PDE4D: variants seen among roughly 807,000 people sequenced by gnomAD.
The protein encoded by PDE4D is 3',5'-cyclic-AMP phosphodiesterase 4D.
Under a neutral mutation model 87.4 loss-of-function variants are expected in PDE4D, and 24 were observed. That is an observed-to-expected ratio of 0.27 (90% CI 0.20 to 0.39). PDE4D has a LOEUF of 0.39. Ranked by LOEUF, PDE4D falls within the 10% of genes least tolerant of loss-of-function variation. The probability of loss-of-function intolerance (pLI) is 1.00; values close to 1 mark genes in which losing one functional copy is unlikely to be tolerated. For missense variants in PDE4D, 714 were observed against 1,041.0 expected, an observed-to-expected ratio of 0.69 and a Z score of 4.32; for synonymous variants, 384 against 383.2, an observed-to-expected ratio of 1.00 and a Z score of -0.02.
At chr5:59,132,231 A>C (rs1485685700) in intron 5 of PDE4D, among the ~76,000 whole-genome samples, 1 of 152,190 alleles carries the variant, frequency 6.6e-6, no homozygotes, top group Non-Finnish European at 1.5e-5. Flanking sequence ...TGAAAGTAAA[A>C]TTAACTTTTC....
intron 1 of PDE4D, among the ~76,000 whole-genome samples, chr5:59,710,028 C>T (rs963162987): frequency 6.6e-6 from 1 of 152,114 alleles, no homozygotes; most frequent in Admixed American, 6.6e-5. Context: ...AGAGGACATG[C>T]TTTCTTTCCT....
At chr5:60,000,727 CTA>C (rs1429719349) in intron 2 of PDE4D, among the ~76,000 whole-genome samples, 1 of 152,100 alleles carries the variant, frequency 6.6e-6, no homozygotes, top group East Asian at 1.9e-4. Context: ...AAATATAAAA[CTA>C]TGTTAACAAA....
At chr5:59,114,613 T>G (rs1773255341) in intron 5 of PDE4D, among the ~76,000 whole-genome samples, 1 of 150,474 alleles carries the variant, frequency 6.6e-6, no homozygotes, top group African/African-American at 2.5e-5. Context: ...ACACACAGAG[T>G]GAGGAAAGCA....
At chr5:59,673,200 T>C (rs1332951839) in intron 1 of PDE4D, among the ~76,000 whole-genome samples, 1 of 152,194 alleles carries the variant, frequency 6.6e-6, no homozygotes, top group Non-Finnish European at 1.5e-5. Flanking sequence ...GCCCAACTGT[T>C]TGCCTAAGAC....
intron 1 of PDE4D, among the ~76,000 whole-genome samples, chr5:60,246,089 T>C (rs1238300644): frequency 1.3e-5 from 2 of 151,816 alleles, no homozygotes; most frequent in East Asian, 1.9e-4. Context: ...GCCAAAAAAA[T>C]TAAAAGTTAA....
intron 1 of PDE4D, among the ~76,000 whole-genome samples, chr5:59,845,604 C>T (rs1485214612): frequency 2.0e-5 from 3 of 152,026 alleles, no homozygotes; most frequent in Non-Finnish European, 2.9e-5. Context: ...CAACACAAGA[C>T]GTGGCTGGAA....
chr5:59,615,849 C>T (rs1339847834), intron 1 of PDE4D, among the ~76,000 whole-genome samples: 2 of 152,034 alleles, frequency 1.3e-5, no homozygotes, highest in Non-Finnish European at 2.9e-5. Context: ...TATCTTACAG[C>T]GAAGTATAGG....
chr5:60,018,804 T>C (rs903730494), intron 2 of PDE4D, among the ~76,000 whole-genome samples: 16 of 152,152 alleles, frequency 1.1e-4, no homozygotes, highest in African/African-American at 3.9e-4. Flanking sequence ...CCTAAATATA[T>C]ATGCACCCAA....
chr5:60,103,321 T>C (rs1016869372), intron 2 of PDE4D, among the ~76,000 whole-genome samples: 1 of 152,122 alleles, frequency 6.6e-6, no homozygotes, highest in African/African-American at 2.4e-5. Context: ...AGTAGGAATA[T>C]CAAACTTCTG....
At chr5:60,261,106 C>A (rs760163223) in intron 1 of PDE4D, among the ~76,000 whole-genome samples, 1 of 152,038 alleles carries the variant, frequency 6.6e-6, no homozygotes, top group South Asian at 2.1e-4. Context: ...ATATTGAATT[C>A]TTTGCTAGAG....
At chr5:60,470,823 C>T (rs1289669109) in intron 1 of PDE4D, among the ~76,000 whole-genome samples, 2 of 152,150 alleles carry the variant, frequency 1.3e-5, no homozygotes, top group South Asian at 4.1e-4. Flanking sequence ...TGCTCATTGA[C>T]AATGCACCTA....
chr5:60,351,472 G>C (rs1316116453), intron 1 of PDE4D, among the ~76,000 whole-genome samples: 1 of 152,094 alleles, frequency 6.6e-6, no homozygotes, highest in Non-Finnish European at 1.5e-5. Context: ...TTTTCTGCTG[G>C]CTGGAAATCA....
chr5:60,360,549 G>A (rs772916741), intron 1 of PDE4D, among the ~76,000 whole-genome samples: 21 of 152,188 alleles, frequency 1.4e-4, no homozygotes, highest in Non-Finnish European at 2.2e-4. Flanking sequence ...GGGGAACTGT[G>A]GTCAGCGAAG....
chr5:59,578,516 G>A (rs1318383031), intron 1 of PDE4D, among the ~76,000 whole-genome samples: 6 of 152,062 alleles, frequency 3.9e-5, no homozygotes, highest in African/African-American at 7.2e-5. Flanking sequence ...AGAGTAAAAC[G>A]TCTTTTATTG....
chr5:59,749,969 G>C (rs1760182410), intron 1 of PDE4D, among the ~76,000 whole-genome samples: 1 of 151,676 alleles, frequency 6.6e-6, no homozygotes, highest in Non-Finnish European at 1.5e-5. Context: ...CATTCTACCT[G>C]TTGCTAAGTC....
chr5:59,503,242 T>G (rs1433955412), intron 1 of PDE4D, among the ~76,000 whole-genome samples: 6 of 152,174 alleles, frequency 3.9e-5, no homozygotes, highest in Non-Finnish European at 7.4e-5. Context: ...CATCTATAAC[T>G]ACTTCTGTAG....
chr5:60,022,970 T>A (rs1378032671), intron 2 of PDE4D, among the ~76,000 whole-genome samples: 1 of 152,138 alleles, frequency 6.6e-6, no homozygotes, highest in Non-Finnish European at 1.5e-5. Flanking sequence ...ATCTATAGCC[T>A]CAGCTCGACC....
intron 1 of PDE4D, among the ~76,000 whole-genome samples, chr5:59,691,463 T>C (rs577870597): frequency 2.6e-4 from 39 of 150,880 alleles, no homozygotes; most frequent in Non-Finnish European, 4.4e-4. Flanking sequence ...AGCAAACTAT[T>C]GCAAGGACAG....
intron 1 of PDE4D, among the ~76,000 whole-genome samples, chr5:60,474,104 C>CTATATATA (rs1561295532): frequency 1.4e-4 from 3 of 21,226 alleles, no homozygotes; most frequent in South Asian, 2.4e-3. Context: ...CTTTGAGCTG[C>CTATATATA]CATATATATA....
Sources: allele counts gnomAD v4.1 joint callset (sites outside exome capture counted in the v4.1 genomes callset), GRCh38; gene constraint gnomAD v4.1.1; transcripts MANE v1.5; gene names NCBI Gene and HGNC (gene_info 2026-07-23, HGNC 2026-07-21).